ASIC2: variants seen among roughly 807,000 people sequenced by gnomAD.
The protein encoded by ASIC2 is acid-sensing ion channel 2.
Under a neutral mutation model 57.3 loss-of-function variants are expected in ASIC2, and 25 were observed. The observed-to-expected ratio is 0.44, with a 90% confidence interval of 0.32 to 0.61. The LOEUF is 0.61. Ranked by LOEUF, ASIC2 falls within the 20% of genes least tolerant of loss-of-function variation. The pLI is 0.06. For synonymous variants in ASIC2, 319 were observed against 307.5 expected (o/e 1.04, Z -0.39); for missense variants, 641 against 738.1 (o/e 0.87, Z 1.52).
At chr17:34,037,669 A>G (rs1907941763) in intron 1 of ASIC2, 3 of 1,613,786 alleles carry the variant, frequency 1.9e-6, no homozygotes, top group Non-Finnish European at 2.5e-6. Flanking sequence ...ATGCAATAGC[A>G]GCTCCAGCAG....
chr17:33,657,017 A>G (rs1283744666), intron 1 of ASIC2, among the ~76,000 whole-genome samples: 4 of 152,230 alleles, frequency 2.6e-5, no homozygotes, highest in African/African-American at 9.6e-5. Context: ...ATGCTGGAAC[A>G]ATGAGGACAG....
At chr17:33,427,884 G>A (rs1176226055) in intron 1 of ASIC2, among the ~76,000 whole-genome samples, 1 of 152,228 alleles carries the variant, frequency 6.6e-6, no homozygotes, top group Non-Finnish European at 1.5e-5. Flanking sequence ...TCAAGGCTGG[G>A]CCATAAAACA....
At position 33,244,349 on chromosome 17, in the gene ASIC2, A is replaced by G. The variant is rs186001892; in HGVS notation, c.708+47059T>C. ...AACCATGTAGACAACCGGACTGGAAAATGAGGCCTCTAGGAAGTGCGTGAA... is the reference window on the plus strand; with the variant it reads ...AACCATGTAGACAACCGGACTGGAAGATGAGGCCTCTAGGAAGTGCGTGAA... On this transcript the variant is annotated intron_variant, in intron 1 of 9. Coordinates refer to ENST00000225823, the MANE Select transcript of ASIC2 (RefSeq NM_183377.2). Among the ~76,000 whole-genome samples the G allele has an allele frequency of 1.5e-3, 226 of 149,476 alleles. 1 individual carries two copies. The highest frequency in any genetic ancestry group is 4.3e-3 in the Admixed American group (65 of 15,036).
chr17:33,619,065 A>G (rs1262160949), intron 1 of ASIC2, among the ~76,000 whole-genome samples: 5 of 152,228 alleles, frequency 3.3e-5, no homozygotes, highest in Non-Finnish European at 5.9e-5. Context: ...CATAAGGCAT[A>G]GAAAACAGCA....
At chr17:33,880,433 T>A (rs572125781) in intron 1 of ASIC2, among the ~76,000 whole-genome samples, 6 of 152,278 alleles carry the variant, frequency 3.9e-5, no homozygotes, top group East Asian at 3.9e-4. Context: ...ATATCACCAC[T>A]GATCCCGCAG....
chr17:33,736,790 T>G (rs372593617), intron 1 of ASIC2, among the ~76,000 whole-genome samples: 1 of 151,396 alleles, frequency 6.6e-6, no homozygotes, highest in Non-Finnish European at 1.5e-5. Flanking sequence ...CATGTACAAC[T>G]GTGCCCCAGT....
intron 1 of ASIC2, among the ~76,000 whole-genome samples, chr17:33,591,372 AC>A (rs1476712449): frequency 6.6e-6 from 1 of 152,182 alleles, no homozygotes; most frequent in Non-Finnish European, 1.5e-5. Context: ...AATAGATGCC[AC>A]TGGGGCTGCA....
At chr17:33,317,886 A>AGTGTGTGTGT (rs57716479) in intron 1 of ASIC2, among the ~76,000 whole-genome samples, 4 of 144,454 alleles carry the variant, frequency 2.8e-5, no homozygotes, top group African/African-American at 1.0e-4. Flanking sequence ...TGTGGAGATG[A>AGTGTGTGTGT]GTGTGTGTGT....
intron 1 of ASIC2, among the ~76,000 whole-genome samples, chr17:33,179,293 G>A (rs1330056461): frequency 6.6e-6 from 1 of 152,098 alleles, no homozygotes; most frequent in Non-Finnish European, 1.5e-5. Flanking sequence ...GCAGTTAGAG[G>A]ACGTTTTGCA....
intron 1 of ASIC2, among the ~76,000 whole-genome samples, chr17:33,715,066 C>T (rs1909174835): frequency 6.6e-6 from 1 of 151,216 alleles, no homozygotes. Flanking sequence ...GTGGCAGGAT[C>T]ACAGCTCACT....
intron 1 of ASIC2, among the ~76,000 whole-genome samples, chr17:33,768,826 G>A (rs558264119): frequency 6.6e-6 from 1 of 152,110 alleles, no homozygotes; most frequent in Non-Finnish European, 1.5e-5. Flanking sequence ...AGGGGAAACA[G>A]CCTGACTTCA....
chr17:33,352,321 A>G (rs956761913), intron 1 of ASIC2, among the ~76,000 whole-genome samples: 2 of 152,140 alleles, frequency 1.3e-5, no homozygotes, highest in African/African-American at 4.8e-5. Flanking sequence ...ACAATAGTCC[A>G]GATATCTCAG....
intron 1 of ASIC2, among the ~76,000 whole-genome samples, chr17:33,885,200 GTAAA>G (rs1172699866): frequency 2.6e-5 from 4 of 152,266 alleles, no homozygotes; most frequent in Non-Finnish European, 5.9e-5. Flanking sequence ...TCCTGTGTAT[GTAAA>G]TAAATTACTG....
At chr17:34,099,764 AAGAAAGAAAGAAAG>A (rs1910778512) in intron 1 of ASIC2, among the ~76,000 whole-genome samples, 2 of 24,796 alleles carry the variant, frequency 8.1e-5, no homozygotes, top group Non-Finnish European at 2.3e-4. Flanking sequence ...GAAAGAAAGA[AAGAAAGAAAGAAAG>A]AAAGAAAGAA....
chr17:33,458,044 G>T (rs936799884), intron 1 of ASIC2, among the ~76,000 whole-genome samples: 2 of 144,384 alleles, frequency 1.4e-5, no homozygotes, highest in African/African-American at 2.6e-5. Context: ...TCTGACAGGG[G>T]TGATTGCTGA....
chr17:33,561,662 G>A (rs1253048814), intron 1 of ASIC2, among the ~76,000 whole-genome samples: 1 of 152,180 alleles, frequency 6.6e-6, no homozygotes, highest in Non-Finnish European at 1.5e-5. Context: ...GACATAGGGG[G>A]CGTGAGCTAG....
intron 1 of ASIC2, among the ~76,000 whole-genome samples, chr17:33,803,574 C>T (rs1227854569): frequency 2.0e-5 from 3 of 147,682 alleles, no homozygotes; most frequent in Non-Finnish European, 4.5e-5. Context: ...AAGACCAACA[C>T]ATTTCCCTTT....
intron 1 of ASIC2, among the ~76,000 whole-genome samples, chr17:34,066,970 C>T (rs1336501602): frequency 6.6e-6 from 1 of 152,242 alleles, no homozygotes; most frequent in African/African-American, 2.4e-5. Flanking sequence ...TCTGAGAGAA[C>T]TAAAGTGACG....
At chr17:34,117,677 C>T (rs1382339220) in intron 1 of ASIC2, among the ~76,000 whole-genome samples, 1 of 152,006 alleles carries the variant, frequency 6.6e-6, no homozygotes, top group Non-Finnish European at 1.5e-5. Flanking sequence ...AGGAGAAAGG[C>T]TGGATTCAAG....
Sources: gnomAD v4.1 joint callset for allele counts (sites outside exome capture counted in the v4.1 genomes callset) on GRCh38, gnomAD v4.1.1 for gene constraint, MANE v1.5 for transcripts, NCBI Gene and HGNC (gene_info 2026-07-23, HGNC 2026-07-21) for gene names.